Variants in STAG1 observed in about 807,000 individuals in gnomAD.
The protein encoded by STAG1 is cohesin subunit SA-1.
In STAG1, 26 loss-of-function variants were observed where a neutral mutation model predicts 170.9. The observed-to-expected ratio is 0.15, with a 90% confidence interval of 0.11 to 0.21. STAG1 has a LOEUF of 0.21. Ranked by LOEUF, STAG1 falls within the 10% of genes least tolerant of loss-of-function variation. The pLI, the probability that STAG1 is intolerant of heterozygous loss-of-function variation, is 1.00. For missense variants in STAG1, 964 were observed against 1,509.5 expected (o/e 0.64, Z 5.99); for synonymous variants, 514 against 497.7 (o/e 1.03, Z -0.44).
At chr3:136,395,887 T>C (rs2087134054) in intron 22 of STAG1, among the ~76,000 whole-genome samples, 1 of 152,198 alleles carries the variant, frequency 6.6e-6, no homozygotes. Flanking sequence ...TTCAATCTCC[T>C]TTGACTTTAC....
At chr3:136,476,648 A>G (rs530307780) in intron 10 of STAG1, among the ~76,000 whole-genome samples, 1 of 152,204 alleles carries the variant, frequency 6.6e-6, no homozygotes, top group South Asian at 2.1e-4. Flanking sequence ...AATAACTTAT[A>G]ATGGGAATGA....
chr3:136,357,690 A>G, intron 28 of STAG1, 30 bp downstream of exon 28: 1 of 1,545,708 alleles, frequency 6.5e-7, no homozygotes, highest in South Asian at 1.3e-5. Context: ...ATTATTATAA[A>G]AACCACTTCT....
At chr3:136,463,741 G>A (rs1395111124) in intron 13 of STAG1, among the ~76,000 whole-genome samples, 53 of 44,506 alleles carry the variant, frequency 1.2e-3, no homozygotes, top group Non-Finnish European at 9.3e-4. Flanking sequence ...GTATATGTGT[G>A]TGTGTGTGTG....
At chr3:136,430,357 T>C (rs1303927829) in intron 16 of STAG1, among the ~76,000 whole-genome samples, 1 of 152,218 alleles carries the variant, frequency 6.6e-6, no homozygotes, top group African/African-American at 2.4e-5. Flanking sequence ...GATTATAATA[T>C]ACATTTTTAA....
chr3:136,454,537 C>A (rs2089049935), intron 13 of STAG1, among the ~76,000 whole-genome samples: 1 of 150,868 alleles, frequency 6.6e-6, no homozygotes, highest in African/African-American at 2.4e-5. Context: ...TGCCACCATG[C>A]CAGGCCAATT....
At chr3:136,736,288 G>C (rs1158867375) in intron 1 of STAG1, among the ~76,000 whole-genome samples, 1 of 152,204 alleles carries the variant, frequency 6.6e-6, no homozygotes, top group South Asian at 2.1e-4. Flanking sequence ...TAGGGGCAAG[G>C]AGAGGGGAAG....
intron 1 of STAG1, among the ~76,000 whole-genome samples, chr3:136,642,334 C>T (rs1014761503): frequency 7.4e-6 from 1 of 135,356 alleles, no homozygotes; most frequent in Non-Finnish European, 1.5e-5. Context: ...TACAGTAGCG[C>T]GATCTTAGCT....
At chr3:136,737,227 A>G in intron 1 of STAG1, 2 of 657,880 alleles carry the variant, frequency 3.0e-6, no homozygotes. Context: ...TGAAGCCGCC[A>G]CTTCCCCAGC....
At chr3:136,654,845 T>G (rs1427184645) in intron 1 of STAG1, among the ~76,000 whole-genome samples, 1 of 152,156 alleles carries the variant, frequency 6.6e-6, no homozygotes, top group Non-Finnish European at 1.5e-5. Context: ...AATAAGCCCT[T>G]GCATGCATGG....
intron 6 of STAG1, among the ~76,000 whole-genome samples, chr3:136,529,328 G>A (rs1321091148): frequency 2.6e-5 from 4 of 152,114 alleles, no homozygotes; most frequent in Admixed American, 2.0e-4. Context: ...TCTTCTTCAT[G>A]GCACGTTATA....
intron 4 of STAG1, among the ~76,000 whole-genome samples, chr3:136,588,864 G>A (rs1937989826): frequency 6.6e-6 from 1 of 152,132 alleles, no homozygotes; most frequent in Non-Finnish European, 1.5e-5. Flanking sequence ...CCAGCTTCAA[G>A]CAATTCTCCT....
In STAG1 at chr3:136,630,835, A is replaced by T. The variant is rs187418127; in HGVS notation, c.29+35T>A. 2,148 of 1,474,160 alleles carry T rather than the reference A, an allele frequency of 1.5e-3. 27 individuals are homozygous for T. The African/African-American group carries it at 0.026, about 18-fold the overall frequency. The allele number at this position is 1,474,160 out of a possible 1,614,324, so 91.3% of individuals were successfully genotyped here. A position where few individuals can be genotyped will look rare whatever the true frequency, so the allele number is the denominator to read the frequency against. ...AAATAAGTTGTCCAAAATTTTCCTT[A>T]AAAAATATAAAAAAAAGAAAATTAC... is the stretch of plus-strand genomic sequence containing the variant. On this transcript the variant is annotated intron_variant, in intron 2 of 33. Transcript: ENST00000383202.
intron 1 of STAG1, among the ~76,000 whole-genome samples, chr3:136,720,176 CAAAAAAA>C (rs59409389): frequency 9.8e-5 from 6 of 61,162 alleles, no homozygotes; most frequent in Non-Finnish European, 9.9e-5. Context: ...AATTCCGTCT[CAAAAAAA>C]AAAAAAAAAA....
chr3:136,607,936 TG>T (rs2107812158), intron 3 of STAG1, among the ~76,000 whole-genome samples: 1 of 152,256 alleles, frequency 6.6e-6, no homozygotes, highest in South Asian at 2.1e-4. Context: ...TTCCTTTTAT[TG>T]GAAAATGATA....
At chr3:136,722,695 C>T (rs1933361763) in intron 1 of STAG1, among the ~76,000 whole-genome samples, 1 of 148,622 alleles carries the variant, frequency 6.7e-6, no homozygotes, top group African/African-American at 2.6e-5. Context: ...TCCCTCTCCC[C>T]ACGGTCTCCC....
At chr3:136,668,645 A>C (rs1941890330) in intron 1 of STAG1, among the ~76,000 whole-genome samples, 1 of 152,080 alleles carries the variant, frequency 6.6e-6, no homozygotes, top group South Asian at 2.1e-4. Flanking sequence ...GACACGGAAC[A>C]GTACAGTTCT....
intron 1 of STAG1, among the ~76,000 whole-genome samples, chr3:136,640,101 G>C (rs1354498774): frequency 6.6e-6 from 1 of 152,132 alleles, no homozygotes; most frequent in Non-Finnish European, 1.5e-5. Flanking sequence ...AAAATTCTCT[G>C]GGACCACAAT....
At chr3:136,740,424 C>T (rs1934604220) in intron 1 of STAG1, among the ~76,000 whole-genome samples, 1 of 152,178 alleles carries the variant, frequency 6.6e-6, no homozygotes, top group African/African-American at 2.4e-5. Context: ...AATAACTACC[C>T]CACAGGGTTA....
chr3:136,485,620 C>A (rs138223561), intron 9 of STAG1, among the ~76,000 whole-genome samples: 1 of 152,148 alleles, frequency 6.6e-6, no homozygotes, highest in African/African-American at 2.4e-5. Flanking sequence ...ATATCCACTG[C>A]TCAGCTAAGA....
Sources: gnomAD v4.1 joint callset for allele counts (sites outside exome capture counted in the v4.1 genomes callset) on GRCh38, gnomAD v4.1.1 for gene constraint, MANE v1.5 for transcripts, NCBI Gene and HGNC (gene_info 2026-07-23, HGNC 2026-07-21) for gene names.